The following SDK1 variants were observed in gnomAD, a reference collection of about 807,000 sequenced individuals.
The protein encoded by SDK1 is sidekick cell adhesion molecule 1, also known as protein sidekick-1.
Under a neutral mutation model 245.5 loss-of-function variants are expected in SDK1, and 157 were observed. The observed-to-expected ratio is 0.64, with a 90% CI of 0.56 to 0.73. The LOEUF is 0.73. Among genes scored for constraint, SDK1 ranks in the 30% least tolerant of loss-of-function variants. The pLI is 0.00. For missense variants in SDK1, 3,583 were observed against 3,002.3 expected (o/e 1.19, Z -4.52); for synonymous variants, 1,647 against 1,278.5 (o/e 1.29, Z -6.15).
chr7:4,093,700 T>C (rs1163147856), intron 22 of SDK1, among the ~76,000 whole-genome samples: 2 of 152,190 alleles, frequency 1.3e-5, no homozygotes, highest in Non-Finnish European at 2.9e-5. Context: ...GCGTTTGGAA[T>C]GACGCATGCC....
At chr7:3,594,669 G>C (rs1279956419) in intron 1 of SDK1, among the ~76,000 whole-genome samples, 2 of 152,114 alleles carry the variant, frequency 1.3e-5, no homozygotes, top group African/African-American at 4.8e-5. Flanking sequence ...CATTAATTGT[G>C]ACTTTGATTT....
chr7:3,751,099 G>A (rs550788768), intron 4 of SDK1, among the ~76,000 whole-genome samples: 2 of 152,300 alleles, frequency 1.3e-5, no homozygotes, highest in South Asian at 4.1e-4. Context: ...GGACCTTCTT[G>A]CTGTTGTTGG....
chr7:3,648,323 G>C (rs548332878), intron 4 of SDK1, among the ~76,000 whole-genome samples: 6 of 152,296 alleles, frequency 3.9e-5, no homozygotes, highest in African/African-American at 1.4e-4. Flanking sequence ...CTTAATTGCA[G>C]GTTCTTGTGC....
intron 4 of SDK1, among the ~76,000 whole-genome samples, chr7:3,800,102 C>T (rs148169346): frequency 6.6e-6 from 1 of 152,056 alleles, no homozygotes; most frequent in East Asian, 1.9e-4. Context: ...CTCTCAGTCT[C>T]CAACGTTTCT....
chr7:3,859,473 G>C (rs1780634484), intron 5 of SDK1, among the ~76,000 whole-genome samples: 1 of 152,040 alleles, frequency 6.6e-6, no homozygotes, highest in African/African-American at 2.4e-5. Context: ...GCAGGCTGTA[G>C]GTGCCCACTG....
chr7:3,586,903 G>A (rs148060005), intron 1 of SDK1, among the ~76,000 whole-genome samples: 144 of 152,250 alleles, frequency 9.5e-4, no homozygotes, highest in Non-Finnish European at 1.5e-3. Flanking sequence ...GAGAGCCAGC[G>A]TATTAAGGGT....
At chr7:3,717,988 G>T (rs1222473636) in intron 4 of SDK1, among the ~76,000 whole-genome samples, 1 of 151,654 alleles carries the variant, frequency 6.6e-6, no homozygotes, top group Non-Finnish European at 1.5e-5. Context: ...AAACCTTTAT[G>T]TCTCATGAAT....
intron 41 of SDK1, among the ~76,000 whole-genome samples, chr7:4,234,109 C>G (rs866580563): frequency 3.9e-5 from 6 of 152,212 alleles, no homozygotes; most frequent in Middle Eastern, 3.2e-3. Flanking sequence ...GAGTGCCTGA[C>G]AAGAGGTCAC....
At chr7:3,398,855 C>G (rs891357417) in intron 1 of SDK1, among the ~76,000 whole-genome samples, 8 of 150,012 alleles carry the variant, frequency 5.3e-5, no homozygotes, top group African/African-American at 2.0e-4. Flanking sequence ...ACAGTTATTT[C>G]CTCTAGTAGC....
intron 1 of SDK1, among the ~76,000 whole-genome samples, chr7:3,543,176 A>G (rs1779105643): frequency 6.6e-6 from 1 of 152,256 alleles, no homozygotes; most frequent in Non-Finnish European, 1.5e-5. Context: ...AATCGACAAA[A>G]TAATGTTTCT....
chr7:3,679,492 G>A (rs920502319), intron 4 of SDK1, among the ~76,000 whole-genome samples: 13 of 152,084 alleles, frequency 8.5e-5, no homozygotes, highest in Middle Eastern at 3.2e-3. Flanking sequence ...GCGTGAACCC[G>A]GGAGGTGGAG....
chr7:4,011,884 G>A (rs1284517337), intron 15 of SDK1, among the ~76,000 whole-genome samples: 3 of 152,084 alleles, frequency 2.0e-5, no homozygotes, highest in Non-Finnish European at 2.9e-5. Flanking sequence ...ACCTTTCCTC[G>A]TTGCTTGGTT....
intron 4 of SDK1, among the ~76,000 whole-genome samples, chr7:3,761,565 A>AG: frequency 6.6e-6 from 1 of 151,180 alleles, no homozygotes; most frequent in East Asian, 1.9e-4. Context: ...AAAAAAAAAA[A>AG]AATAATAATA....
chr7:3,687,364 T>C (rs1170294838), intron 4 of SDK1, among the ~76,000 whole-genome samples: 1 of 152,034 alleles, frequency 6.6e-6, no homozygotes, highest in Non-Finnish European at 1.5e-5. Flanking sequence ...CTTGACCTCA[T>C]GATCCACCCG....
At chr7:3,412,534 G>A (rs185027108) in intron 1 of SDK1, among the ~76,000 whole-genome samples, 1 of 152,284 alleles carries the variant, frequency 6.6e-6, no homozygotes, top group African/African-American at 2.4e-5. Context: ...CTTGTTCATG[G>A]ACATTATAAC....
At chr7:3,505,089 A>G (rs1782350207) in intron 1 of SDK1, among the ~76,000 whole-genome samples, 3 of 152,226 alleles carry the variant, frequency 2.0e-5, no homozygotes, top group Admixed American at 1.3e-4. Flanking sequence ...TTGTACTTAA[A>G]AAATATAGCT....
At chr7:3,941,755 C>T (rs534798176) in intron 5 of SDK1, among the ~76,000 whole-genome samples, 2 of 152,176 alleles carry the variant, frequency 1.3e-5, no homozygotes, top group African/African-American at 2.4e-5. Context: ...ACCTCTTTGA[C>T]GAAGTGGACG....
intron 7 of SDK1, 104 bp downstream of exon 7, chr7:3,952,024 A>C: frequency 9.3e-7 from 1 of 1,072,168 alleles, no homozygotes; most frequent in Non-Finnish European, 1.3e-6. Context: ...TTTATTTGTA[A>C]CTCGGCAAAT....
intron 4 of SDK1, among the ~76,000 whole-genome samples, chr7:3,772,066 T>C (rs923024493): frequency 6.6e-6 from 1 of 152,216 alleles, no homozygotes; most frequent in Non-Finnish European, 1.5e-5. Context: ...AAAATTTGTT[T>C]GTACTGAAGC....
Sources: gnomAD v4.1 joint callset for allele counts (sites outside exome capture counted in the v4.1 genomes callset) on GRCh38, gnomAD v4.1.1 for gene constraint, MANE v1.5 for transcripts, NCBI Gene and HGNC (gene_info 2026-07-23, HGNC 2026-07-21) for gene names.